The following STPG2 variants were observed in gnomAD, a reference collection of about 807,000 sequenced individuals.
STPG2 encodes sperm tail PG-rich repeat containing 2, also known as sperm-tail PG-rich repeat-containing protein 2.
A neutral mutation model predicts 54.2 loss-of-function variants in STPG2; 56 were observed. The ratio of observed to expected loss-of-function variants is 1.03; its 90% CI spans 0.83 to 1.29. The LOEUF (loss-of-function observed/expected upper bound fraction) is 1.29. Among genes scored for constraint, STPG2 ranks in the 50% most tolerant of loss-of-function variants. The pLI, the probability that STPG2 is intolerant of heterozygous loss-of-function variation, is 0.00. For synonymous variants in STPG2, 200 were observed against 181.8 expected (o/e 1.10, Z -0.81); for missense variants, 596 against 544.9 (o/e 1.09, Z -0.93).
chr4:97,523,941 G>A (rs1731230419), intron 4 of STPG2, among the ~76,000 whole-genome samples: 1 of 151,942 alleles, frequency 6.6e-6, no homozygotes, highest in South Asian at 2.1e-4. Flanking sequence ...GATGAGTACA[G>A]AATTAAAACC....
intron 5 of STPG2, among the ~76,000 whole-genome samples, chr4:98,052,611 T>C (rs905072929): frequency 6.6e-6 from 1 of 152,228 alleles, no homozygotes; most frequent in African/African-American, 2.4e-5. Context: ...TCCATTTTAA[T>C]ATACATCAAT....
intron 9 of STPG2, among the ~76,000 whole-genome samples, chr4:97,758,538 C>T (rs1041267805): frequency 1.6e-4 from 24 of 152,038 alleles, no homozygotes; most frequent in African/African-American, 5.6e-4. Flanking sequence ...AACCAAGCAC[C>T]GCATGTTCTC....
chr4:98,065,390 A>G (rs1293956279), intron 5 of STPG2, among the ~76,000 whole-genome samples: 1 of 152,186 alleles, frequency 6.6e-6, no homozygotes, highest in Admixed American at 6.5e-5. Flanking sequence ...TATATAAAAT[A>G]AAATCTTTTT....
At chr4:97,718,385 G>T (rs565331886) in intron 9 of STPG2, among the ~76,000 whole-genome samples, 1 of 151,940 alleles carries the variant, frequency 6.6e-6, no homozygotes, top group Non-Finnish European at 1.5e-5. Flanking sequence ...GTTTGGATTT[G>T]AATCTGCTGC....
chr4:98,081,470 C>T (rs573846718), intron 5 of STPG2, among the ~76,000 whole-genome samples: 1 of 152,056 alleles, frequency 6.6e-6, no homozygotes, highest in South Asian at 2.1e-4. Context: ...TTCTTCAAAA[C>T]AAATTTTAAA....
chr4:97,636,057 C>T (rs954861978), intron 10 of STPG2, among the ~76,000 whole-genome samples: 7 of 152,042 alleles, frequency 4.6e-5, no homozygotes, highest in Non-Finnish European at 5.9e-5. Context: ...AGCACCACAT[C>T]ACACCTATTC....
chr4:97,695,017 C>T (rs1374019348), intron 10 of STPG2, among the ~76,000 whole-genome samples: 1 of 149,444 alleles, frequency 6.7e-6, no homozygotes, highest in Non-Finnish European at 1.5e-5. Flanking sequence ...ATAGCAAAAC[C>T]ATGAAAGGAC....
chr4:97,768,300 A>G (rs1726121046), intron 9 of STPG2, among the ~76,000 whole-genome samples: 3 of 152,230 alleles, frequency 2.0e-5, no homozygotes, highest in Non-Finnish European at 4.4e-5. Context: ...ATAAAATCCA[A>G]TTTATAAATT....
chr4:98,041,752 T>C (rs920532791), intron 5 of STPG2, among the ~76,000 whole-genome samples: 1 of 151,932 alleles, frequency 6.6e-6, no homozygotes. Context: ...TTGTGGGAGA[T>C]TTTTGCATCT....
intron 5 of STPG2, among the ~76,000 whole-genome samples, chr4:98,101,865 T>TCCCCCCCC (rs34686297): frequency 3.4e-5 from 5 of 145,834 alleles, no homozygotes; most frequent in Non-Finnish European, 6.0e-5. Flanking sequence ...TTCATTATCT[T>TCCCCCCCC]CCCCCTCCCC....
intron 8 of STPG2, among the ~76,000 whole-genome samples, chr4:97,919,029 C>T (rs72617715): frequency 6.6e-6 from 1 of 152,092 alleles, no homozygotes. Flanking sequence ...CTACTTCAAT[C>T]ATGGAAGTAT....
At chr4:97,479,309 T>C (rs895622545) in intron 4 of STPG2, among the ~76,000 whole-genome samples, 2 of 152,056 alleles carry the variant, frequency 1.3e-5, no homozygotes, top group African/African-American at 4.8e-5. Context: ...ATTCTAAGGT[T>C]AAGGGAGAAA....
intron 5 of STPG2, among the ~76,000 whole-genome samples, chr4:98,015,591 C>T (rs542410391): frequency 2.6e-5 from 4 of 152,026 alleles, no homozygotes; most frequent in South Asian, 2.1e-4. Flanking sequence ...GAAATAGGAA[C>T]ATTTTACACT....
intron 8 of STPG2, chr4:97,917,087 C>G (rs1029524006): frequency 3.9e-5 from 6 of 152,646 alleles, no homozygotes; most frequent in African/African-American, 1.4e-4. Context: ...CTCTATCTCC[C>G]TCTTTAACTG....
intron 9 of STPG2, among the ~76,000 whole-genome samples, chr4:97,795,722 G>C (rs1205206301): frequency 6.6e-6 from 1 of 152,114 alleles, no homozygotes. Context: ...CCCAGTAATG[G>C]GATGGCTGGG....
At chr4:98,052,261 G>A (rs2149314742) in intron 5 of STPG2, among the ~76,000 whole-genome samples, 1 of 152,202 alleles carries the variant, frequency 6.6e-6, no homozygotes, top group South Asian at 2.1e-4. Context: ...TTGGAGACAA[G>A]TTTCTTATGG....
chr4:97,718,320 T>C (rs1724352792), intron 9 of STPG2, among the ~76,000 whole-genome samples: 1 of 152,076 alleles, frequency 6.6e-6, no homozygotes, highest in Non-Finnish European at 1.5e-5. Flanking sequence ...ACCATTTAAA[T>C]TGTGACTATT....
intron 4 of STPG2, among the ~76,000 whole-genome samples, chr4:97,481,049 G>C (rs549070750): frequency 2.5e-4 from 38 of 151,504 alleles, no homozygotes; most frequent in Middle Eastern, 6.8e-3. Context: ...TTATATCTCA[G>C]AGCTATTTCA....
chr4:98,133,806 TA>T (rs1740064178), intron 2 of STPG2, among the ~76,000 whole-genome samples: 1 of 152,028 alleles, frequency 6.6e-6, no homozygotes, highest in African/African-American at 2.4e-5. Context: ...AGCCAATACA[TA>T]TAAATGCAAA....
Sources: gnomAD v4.1 joint callset for allele counts (sites outside exome capture counted in the v4.1 genomes callset) on GRCh38, gnomAD v4.1.1 for gene constraint, MANE v1.5 for transcripts, NCBI Gene and HGNC (gene_info 2026-07-23, HGNC 2026-07-21) for gene names.